The following ATP6V1A variants were observed in gnomAD, a reference collection of about 807,000 sequenced individuals.
ATP6V1A encodes the protein V-type proton ATPase catalytic subunit A.
In ATP6V1A, 18 loss-of-function variants were observed where a neutral mutation model predicts 70.1. That is an observed-to-expected ratio of 0.26 (90% CI 0.18 to 0.38). The LOEUF (loss-of-function observed/expected upper bound fraction) is 0.38, where lower values mean the gene tolerates loss of function less well. Among genes scored for constraint, ATP6V1A ranks in the 10% least tolerant of loss-of-function variants. The probability of loss-of-function intolerance (pLI) is 1.00; values close to 1 mark genes in which losing one functional copy is unlikely to be tolerated. For missense variants in ATP6V1A, 424 were observed against 772.4 expected, an observed-to-expected ratio of 0.55 and a Z score of 5.35; for synonymous variants, 232 against 253.8, an observed-to-expected ratio of 0.91 and a Z score of 0.82.
At chr3:113,773,360 A>G (rs1183123268) in intron 1 of ATP6V1A, among the ~76,000 whole-genome samples, 2 of 152,226 alleles carry the variant, frequency 1.3e-5, no homozygotes, top group Non-Finnish European at 2.9e-5. Flanking sequence ...ACTTATCACT[A>G]GGACTCTAGG....
At chr3:113,797,805 A>G (rs1258702745) in intron 11 of ATP6V1A, among the ~76,000 whole-genome samples, 1 of 152,192 alleles carries the variant, frequency 6.6e-6, no homozygotes, top group East Asian at 1.9e-4. Flanking sequence ...TACTTAGTAT[A>G]TACTAAAACG....
At chr3:113,772,012 G>A (rs1321505212) in intron 1 of ATP6V1A, among the ~76,000 whole-genome samples, 2 of 152,206 alleles carry the variant, frequency 1.3e-5, no homozygotes, top group Non-Finnish European at 2.9e-5. Flanking sequence ...CATTTGAAAG[G>A]AAGTGGGTGG....
chr3:113,760,085 TCTC>T (rs1708685789), intron 1 of ATP6V1A, among the ~76,000 whole-genome samples: 1 of 152,176 alleles, frequency 6.6e-6, no homozygotes, highest in Admixed American at 6.6e-5. Flanking sequence ...ATTGAAAACT[TCTC>T]CTCTCCCCAC....
chr3:113,799,117 TAA>T (rs1279160768), intron 12 of ATP6V1A, among the ~76,000 whole-genome samples: 1 of 152,038 alleles, frequency 6.6e-6, no homozygotes, highest in East Asian at 1.9e-4. Context: ...CAAAACCAGA[TAA>T]AGACAATACA....
At chr3:113,759,472 G>A (rs1708678676) in intron 1 of ATP6V1A, among the ~76,000 whole-genome samples, 1 of 151,630 alleles carries the variant, frequency 6.6e-6, no homozygotes, top group Non-Finnish European at 1.5e-5. Context: ...ATACTAGGCA[G>A]ATTAATAGGG....
intron 1 of ATP6V1A, among the ~76,000 whole-genome samples, chr3:113,767,884 C>T (rs1708792248): frequency 6.6e-6 from 1 of 152,182 alleles, no homozygotes; most frequent in Non-Finnish European, 1.5e-5. Flanking sequence ...AACTCCTGAT[C>T]TCGTGACCCA....
intron 12 of ATP6V1A, among the ~76,000 whole-genome samples, chr3:113,800,284 C>T (rs965610234): frequency 2.7e-5 from 4 of 149,892 alleles, no homozygotes; most frequent in South Asian, 2.1e-4. Context: ...TTCAATGTAA[C>T]GCCAATCTAA....
intron 2 of ATP6V1A, chr3:113,779,247 C>T (rs2108025785): frequency 6.5e-6 from 1 of 152,858 alleles, no homozygotes; most frequent in Non-Finnish European, 1.5e-5. Context: ...CAGAGCATTT[C>T]TCAGCAATAT....
intron 12 of ATP6V1A, 144 bp from the exon 13 acceptor site, chr3:113,803,439 C>T (rs758106734): frequency 1.6e-6 from 1 of 644,582 alleles, no homozygotes. Context: ...TTAAAAAGAA[C>T]ATCAATCAAA....
chr3:113,754,663 G>C (rs1708626909), intron 1 of ATP6V1A, among the ~76,000 whole-genome samples: 1 of 152,070 alleles, frequency 6.6e-6, no homozygotes, highest in African/African-American at 2.4e-5. Context: ...TTCTGCCTTA[G>C]AGTGTAGAGC....
rs769078286 is a variant in ATP6V1A at position 113,784,832 on chromosome 3, C to T, written c.563C>T (p.Ser188Phe). ...GCTCCACCTGGGAATTATGATACCT[C>T]TGTAAGTATCATTTGAACTTTATCC... ...YIAPPGNYDT[S>F]DVVLELEFEG... Residue 188 changes from serine to phenylalanine, a missense_variant and splice_region_variant, in exon 5 of 15, where the codon TCT becomes TTT. Around this residue, in one of 9 missense-constraint regions of ATP6V1A, gnomAD observed 139 missense variants for 163.5 expected, o/e 0.85. Coordinates refer to ENST00000273398, the MANE Select transcript of ATP6V1A (RefSeq NM_001690.4). The T allele has an allele frequency of 1.9e-6, 3 of 1,613,760 alleles. No individual in the cohort carries two copies. The African/African-American group carries it at 4.0e-5, about 22-fold the overall frequency.
intron 1 of ATP6V1A, among the ~76,000 whole-genome samples, chr3:113,776,336 C>T (rs910840453): frequency 6.6e-6 from 1 of 152,170 alleles, no homozygotes; most frequent in Non-Finnish European, 1.5e-5. Context: ...CGCCACTGCA[C>T]TCCAGCCTGC....
intron 1 of ATP6V1A, among the ~76,000 whole-genome samples, chr3:113,757,661 A>G (rs1469542051): frequency 6.6e-6 from 1 of 152,214 alleles, no homozygotes; most frequent in East Asian, 1.9e-4. Flanking sequence ...GACTGTGGAA[A>G]TTCCCAGAAT....
chr3:113,794,991 G>T lies in ATP6V1A; in HGVS notation c.1108G>T (p.Ala370Ser). ...CTCTGGTCGTTTAGCTGAAATGCCT[G>T]CAGGTAAGTCTGTGTATTGCTTATC... ...EISGRLAEMP[A>S]DSGYPAYLGA... Residue 370 changes from alanine (A) to serine (S), a missense_variant, in exon 9 of 15, where the codon GCA becomes TCA. This residue lies in a region of ATP6V1A where 58 missense variants were observed against 181.5 expected (regional missense o/e 0.32). Coordinates refer to ENST00000273398, the MANE Select transcript of ATP6V1A (RefSeq NM_001690.4). 2 of 1,613,612 alleles carry T rather than the reference G, an allele frequency of 1.2e-6. No individual in the cohort carries two copies. The highest frequency in any genetic ancestry group is 1.7e-6 in the Non-Finnish European group (2 of 1,179,796).
intron 1 of ATP6V1A, among the ~76,000 whole-genome samples, chr3:113,755,431 CA>C (rs1184456240): frequency 0.071 from 2,720 of 38,088 alleles, 66 homozygotes; most frequent in African/African-American, 0.17. Context: ...CATGTCTGTA[CA>C]AAAAAAAAAA....
At chr3:113,771,235 G>C (rs1165583422) in intron 1 of ATP6V1A, among the ~76,000 whole-genome samples, 1 of 152,156 alleles carries the variant, frequency 6.6e-6, no homozygotes, top group Non-Finnish European at 1.5e-5. Flanking sequence ...TGATGAAGCA[G>C]AAGATTTTAA....
At chr3:113,748,917 G>C (rs1160671785) in intron 1 of ATP6V1A, among the ~76,000 whole-genome samples, 2 of 152,008 alleles carry the variant, frequency 1.3e-5, no homozygotes, top group Non-Finnish European at 2.9e-5. Flanking sequence ...TTGATCTCTA[G>C]AGGAGAGGGG....
At chr3:113,795,971 A>C (rs1384309238) in intron 11 of ATP6V1A, 32 bp downstream of exon 11, 1 of 1,551,914 alleles carries the variant, frequency 6.4e-7, no homozygotes, top group South Asian at 1.2e-5. Flanking sequence ...TCAACTTCTG[A>C]GCCTTTCCTC....
In ATP6V1A at chr3:113,784,690, C is replaced by A. The variant is rs763363734; in HGVS notation, c.427-6C>A. 6.2e-6 allele frequency: 10 copies of A among 1,613,546 alleles called. No homozygotes were observed. The highest frequency in any genetic ancestry group is 8.5e-6 in the Non-Finnish European group (10 of 1,179,676). On this transcript the variant is annotated splice_region_variant and splice_polypyrimidine_tract_variant and intron_variant, in intron 4 of 14. Coordinates refer to ENST00000273398, the MANE Select transcript of ATP6V1A (RefSeq NM_001690.4). ...CAAATTAAACAGCAAATACATTTAT[C>A]TCTAGGTTGGTAGTCATATCACTGG...
Sources: allele counts gnomAD v4.1 joint callset (sites outside exome capture counted in the v4.1 genomes callset), GRCh38; gene constraint gnomAD v4.1.1; regional missense constraint gnomAD v4.1.1; transcripts MANE v1.5; gene names NCBI Gene and HGNC (gene_info 2026-07-23, HGNC 2026-07-21).